Variants in KIAA0825 observed in about 807,000 individuals in gnomAD.
KIAA0825 encodes the protein KIAA0825.
In KIAA0825, 119 loss-of-function variants were observed where a neutral mutation model predicts 147.6. That is an observed-to-expected ratio of 0.81 (90% confidence interval 0.69 to 0.94). The LOEUF (loss-of-function observed/expected upper bound fraction) is 0.94. Ranked by LOEUF, KIAA0825 falls within the 40% of genes least tolerant of loss-of-function variation. The probability of loss-of-function intolerance (pLI) is 0.00; values close to 1 mark genes in which losing one functional copy is unlikely to be tolerated. For synonymous variants in KIAA0825, 470 were observed against 518.1 expected (o/e 0.91, Z 1.26); for missense variants, 1,381 against 1,472.7 (o/e 0.94, Z 1.02).
chr5:94,520,840 G>A lies in KIAA0825; in HGVS notation c.378C>T (p.Ser126=), dbSNP rs371976218. 2.7e-5 allele frequency: 44 copies of A among 1,612,868 alleles called. No homozygotes were observed. Among genetic ancestry groups the A allele is most frequent in the Non-Finnish European group, 3.5e-5 (41 of 1,179,264 alleles). Residue 126 remains serine, a synonymous_variant, in exon 5 of 21, where the codon AGC becomes AGT. Transcript: ENST00000682413. ...CACTTAGGGTTGATGGGAATGAAACGCTGCTGTGGCAGGAGAGGTCCCAAA... is the reference window on the plus strand; with the variant it reads ...CACTTAGGGTTGATGGGAATGAAACACTGCTGTGGCAGGAGAGGTCCCAAA... The part of the protein sequence containing the change: ...DLLWDLSCHS[S]VSFPSTLSGT...
In KIAA0825 at chr5:94,613,488, T is replaced by C. The variant is rs561301520; in HGVS notation, c.-153+5012A>G. On this transcript the variant is annotated intron_variant, in intron 1 of 20. Coordinates refer to ENST00000682413, the MANE Select transcript of KIAA0825 (RefSeq NM_001145678.3). ...TGCTGGGATTACAGGCATGAGTCAC[T>C]GCGCCGGCCAATCTTGTCTTCTGTA... 9.5e-4 allele frequency among the ~76,000 whole-genome samples: 145 copies of C among 152,324 alleles called. 1 individual carries two copies. Among genetic ancestry groups the C allele is most frequent in the African/African-American group, 3.4e-3 (140 of 41,566 alleles).
chr5:94,364,542 C>T lies in KIAA0825; in HGVS notation c.3710+19826G>A, dbSNP rs371708845. Among the ~76,000 whole-genome samples, 17 of 152,006 alleles carry T rather than the reference C, an allele frequency of 1.1e-4. No homozygotes were observed. The East Asian group carries it at 2.0e-3, about 17-fold the overall frequency. ...GACTACAGGCACCTGACACCACGCC[C>T]GGCTAATTTTTTTGTATTTTTAGTA... On this transcript the variant is annotated intron_variant, in intron 20 of 20. Transcript: ENST00000682413.
intron 12 of KIAA0825, among the ~76,000 whole-genome samples, chr5:94,460,774 A>G (rs975978882): frequency 1.7e-4 from 26 of 152,050 alleles, no homozygotes; most frequent in African/African-American, 6.3e-4. Flanking sequence ...TCATTTGTCA[A>G]TACAAAGCAA....
chr5:94,276,698 T>G (rs1400317042), intron 20 of KIAA0825, among the ~76,000 whole-genome samples: 2 of 152,066 alleles, frequency 1.3e-5, no homozygotes, highest in Admixed American at 1.3e-4. Flanking sequence ...AATAGATTGA[T>G]TAAGATTTAA....
chr5:94,309,208 C>T (rs1439431106), intron 20 of KIAA0825, among the ~76,000 whole-genome samples: 1 of 151,768 alleles, frequency 6.6e-6, no homozygotes, highest in East Asian at 1.9e-4. Flanking sequence ...ATGCATAAGA[C>T]ATAGTTTTGC....
intron 20 of KIAA0825, among the ~76,000 whole-genome samples, chr5:94,304,093 G>C (rs560023812): frequency 4.6e-5 from 7 of 152,126 alleles, no homozygotes; most frequent in African/African-American, 1.7e-4. Flanking sequence ...TAATTATTAA[G>C]TTTGCATAAA....
chr5:94,421,879 T>C (rs573149078), intron 14 of KIAA0825, among the ~76,000 whole-genome samples: 2 of 152,264 alleles, frequency 1.3e-5, no homozygotes, highest in South Asian at 4.1e-4. Context: ...CAGATGTTTC[T>C]AAGGTCTGTG....
chr5:94,335,262 A>C (rs1781686945), intron 20 of KIAA0825, among the ~76,000 whole-genome samples: 1 of 152,230 alleles, frequency 6.6e-6, no homozygotes, highest in South Asian at 2.1e-4. Flanking sequence ...CTAGAAATTA[A>C]GTTTGGAAAA....
At chr5:94,609,489 C>T (rs974728815) in intron 1 of KIAA0825, among the ~76,000 whole-genome samples, 7 of 151,846 alleles carry the variant, frequency 4.6e-5, no homozygotes, top group Admixed American at 1.3e-4. Context: ...TTTCTGAGGT[C>T]TTCAGTAATT....
intron 12 of KIAA0825, among the ~76,000 whole-genome samples, chr5:94,453,572 G>A (rs1400224335): frequency 6.6e-6 from 1 of 152,012 alleles, no homozygotes; most frequent in African/African-American, 2.4e-5. Context: ...GTTAATAGGT[G>A]GCTCAGGGGC....
At chr5:94,426,415 T>A (rs1332643402) in intron 14 of KIAA0825, among the ~76,000 whole-genome samples, 1 of 152,090 alleles carries the variant, frequency 6.6e-6, no homozygotes, top group South Asian at 2.1e-4. Flanking sequence ...GCAACATGGA[T>A]GGAACTGGTC....
chr5:94,468,149 T>C (rs543059461), intron 10 of KIAA0825, among the ~76,000 whole-genome samples: 51 of 152,330 alleles, frequency 3.3e-4, no homozygotes, highest in African/African-American at 1.2e-3. Context: ...AAGAGCTGCA[T>C]GTTACATGGT....
intron 20 of KIAA0825, among the ~76,000 whole-genome samples, chr5:94,242,038 A>G (rs558360240): frequency 2.6e-5 from 4 of 152,282 alleles, no homozygotes; most frequent in East Asian, 3.9e-4. Context: ...AAAATTTTGC[A>G]TGGCCTAAAA....
At chr5:94,337,138 C>T (rs1460702852) in intron 20 of KIAA0825, among the ~76,000 whole-genome samples, 4 of 151,818 alleles carry the variant, frequency 2.6e-5, no homozygotes, top group Non-Finnish European at 5.9e-5. Context: ...GAGCAAGGAT[C>T]GACTGCAGAT....
chr5:94,507,203 A>T (rs945822270), intron 5 of KIAA0825, among the ~76,000 whole-genome samples: 2 of 152,216 alleles, frequency 1.3e-5, no homozygotes, highest in Non-Finnish European at 2.9e-5. Context: ...TAATCCCAGC[A>T]CTTTGGAAGG....
intron 20 of KIAA0825, among the ~76,000 whole-genome samples, chr5:94,237,504 G>C (rs1306229256): frequency 6.6e-6 from 1 of 152,090 alleles, no homozygotes; most frequent in Non-Finnish European, 1.5e-5. Flanking sequence ...AGTTGAGGGA[G>C]CCCTCCCGTC....
chr5:94,358,613 A>G (rs917038966), intron 20 of KIAA0825, among the ~76,000 whole-genome samples: 1 of 145,656 alleles, frequency 6.9e-6, no homozygotes, highest in Non-Finnish European at 1.6e-5. Flanking sequence ...TAAGCGGCAG[A>G]AAGAATCACA....
chr5:94,305,546 C>T (rs780289878), intron 20 of KIAA0825, among the ~76,000 whole-genome samples: 8 of 151,992 alleles, frequency 5.3e-5, no homozygotes, highest in Non-Finnish European at 1.2e-4. Context: ...ACTTCTGATA[C>T]ATTACGTCAA....
At chr5:94,579,462 A>G (rs1171140658) in intron 2 of KIAA0825, among the ~76,000 whole-genome samples, 2 of 152,258 alleles carry the variant, frequency 1.3e-5, no homozygotes, top group Non-Finnish European at 2.9e-5. Context: ...TTAGAAAGCC[A>G]TTTATAGAAT....
Sources: gnomAD v4.1 joint callset for allele counts (sites outside exome capture counted in the v4.1 genomes callset) on GRCh38, gnomAD v4.1.1 for gene constraint, MANE v1.5 for transcripts, NCBI Gene and HGNC (gene_info 2026-07-23, HGNC 2026-07-21) for gene names.